Variants in SV2B observed in about 807,000 individuals in gnomAD.
SV2B encodes the protein synaptic vesicle glycoprotein 2B, also known as solute carrier family 22 member B2.
SV2B carries 41 observed loss-of-function variants against 73.9 expected under a neutral mutation model. The ratio of observed to expected loss-of-function variants is 0.56; its 90% CI spans 0.43 to 0.72. The LOEUF (loss-of-function observed/expected upper bound fraction) is 0.72, where lower values mean the gene tolerates loss of function less well. Ranked by LOEUF, SV2B falls within the 30% of genes least tolerant of loss-of-function variation. SV2B has a pLI of 0.00. For synonymous variants in SV2B, 314 were observed against 314.2 expected, an observed-to-expected ratio of 1.00 and a Z score of 0.01; for missense variants, 764 against 857.8, an observed-to-expected ratio of 0.89 and a Z score of 1.37.
intron 1 of SV2B, among the ~76,000 whole-genome samples, chr15:91,202,411 G>C (rs2045491158): frequency 6.6e-6 from 1 of 152,296 alleles, no homozygotes; most frequent in Non-Finnish European, 1.5e-5. Context: ...CTCTGTATTA[G>C]TCACTATTAT....
chr15:91,164,806 T>C (rs1184316628), intron 1 of SV2B, among the ~76,000 whole-genome samples: 1 of 152,182 alleles, frequency 6.6e-6, no homozygotes, highest in Non-Finnish European at 1.5e-5. Context: ...CTGACATTAA[T>C]ATGTATGGGG....
chr15:91,248,065 TAATCCC>T (rs1162188614), intron 2 of SV2B, among the ~76,000 whole-genome samples: 2 of 152,238 alleles, frequency 1.3e-5, no homozygotes, highest in Non-Finnish European at 2.9e-5. Context: ...GTCACGCCTG[TAATCCC>T]AGCACTTTGG....
chr15:91,146,608 A>C (rs2043154462), intron 1 of SV2B, among the ~76,000 whole-genome samples: 1 of 152,176 alleles, frequency 6.6e-6, no homozygotes, highest in Non-Finnish European at 1.5e-5. Context: ...GGTTTGTGTC[A>C]TCTCTGATTT....
intron 1 of SV2B, among the ~76,000 whole-genome samples, chr15:91,209,342 G>C (rs746494188): frequency 6.6e-6 from 1 of 152,006 alleles, no homozygotes; most frequent in Non-Finnish European, 1.5e-5. Context: ...GGCTGGTCTT[G>C]AACTCCTGAC....
rs2046278603 is a variant in SV2B, at chr15:91,223,434, G to A, written c.-391-2439G>A. On this transcript the variant is annotated intron_variant, in intron 1 of 12. Transcript: ENST00000394232. This position sits in a 1 kb window ranked among gnomAD's most constrained non-coding sequence, Gnocchi z 4.6. ...AGCAGGTCTTTTAACTGAATCAGGT[G>A]AGTGGAGTTAGTTTTGACGAAGATC... Among the ~76,000 whole-genome samples, 1 of 152,218 alleles carries A rather than the reference G, an allele frequency of 6.6e-6. No individual in the cohort carries two copies. Among genetic ancestry groups the A allele is most frequent in the African/African-American group, 2.4e-5 (1 of 41,456 alleles).
chr15:91,239,352 C>T lies in SV2B; in HGVS notation c.452-12467C>T, dbSNP rs2046914939. On this transcript the variant is annotated intron_variant, in intron 2 of 12. Transcript: ENST00000394232. This position sits in a 1 kb window ranked among gnomAD's most constrained non-coding sequence, Gnocchi z 5.1. ...CTCTCTGCCTCACCTCTCGGTGGGTCCTAGAAAAGGAAGTCTTGTGCTCGA... is the reference window on the plus strand; with the variant it reads ...CTCTCTGCCTCACCTCTCGGTGGGTTCTAGAAAAGGAAGTCTTGTGCTCGA... Among the ~76,000 whole-genome samples, 1 of 146,544 alleles carries T rather than the reference C, an allele frequency of 6.8e-6. No individual in the cohort carries two copies. Among genetic ancestry groups the T allele is most frequent in the Non-Finnish European group, 1.5e-5 (1 of 66,174 alleles).
chr15:91,107,899 C>A (rs1194514136), intron 1 of SV2B, among the ~76,000 whole-genome samples: 1 of 152,144 alleles, frequency 6.6e-6, no homozygotes, highest in Non-Finnish European at 1.5e-5. Flanking sequence ...TGTGAGTCAC[C>A]ATGCCCAGCC....
At chr15:91,216,662 G>T (rs1435117748) in intron 1 of SV2B, among the ~76,000 whole-genome samples, 1 of 151,456 alleles carries the variant, frequency 6.6e-6, no homozygotes, top group Non-Finnish European at 1.5e-5. Flanking sequence ...GTAGAGACGG[G>T]GTTTCTCCAT....
rs1462488390 is a variant in SV2B, at chr15:91,298,756, G to T, written c.*6204G>T. 4 of 152,222 alleles carry T rather than the reference G, an allele frequency of 2.6e-5. No individual in the cohort carries two copies. Among genetic ancestry groups the T allele is most frequent in the East Asian group, 1.9e-4 (1 of 5,180 alleles). The allele number at this position is 152,222 out of a possible 1,614,324, so 9.4% of individuals were successfully genotyped here. On this transcript the variant is annotated 3_prime_UTR_variant, in exon 13 of 13. Transcript: ENST00000394232. This position sits in a 1 kb window ranked among gnomAD's most constrained non-coding sequence, Gnocchi z 5.4. The stretch of plus-strand genomic sequence containing the variant: ...ATATGTATTCCTTTAGAAAGCAAAG[G>T]TCTTTCAGAAGCTGTCCTCTACCAA...
rs533624503 is a variant in SV2B at position 91,208,383 on chromosome 15, C to G, written c.-391-17490C>G. Among the ~76,000 whole-genome samples, 15 of 152,286 alleles carry G rather than the reference C, an allele frequency of 9.8e-5. No homozygotes were observed. In the East Asian group the frequency reaches 2.9e-3, roughly 29 times the overall value. On this transcript the variant is annotated intron_variant, in intron 1 of 12. Coordinates refer to ENST00000394232, the MANE Select transcript of SV2B (RefSeq NM_001323032.3). ...GAAGAGAAAAGTGTTTTCCCCCCAC[C>G]CTTGAAAATAAAACAACATGATGTT... is the stretch of plus-strand genomic sequence containing the variant.
chr15:91,188,426 G>A (rs2044863882), intron 1 of SV2B, among the ~76,000 whole-genome samples: 1 of 152,086 alleles, frequency 6.6e-6, no homozygotes, highest in Non-Finnish European at 1.5e-5. Context: ...CCATTCTCCT[G>A]CCTCAGCTTC....
At chr15:91,143,223 A>T (rs17516032) in intron 1 of SV2B, among the ~76,000 whole-genome samples, 2 of 152,064 alleles carry the variant, frequency 1.3e-5, no homozygotes, top group Admixed American at 6.5e-5. Context: ...AGGGCTGTCC[A>T]TAAGAACCGC....
At chr15:91,158,020 T>C (rs1201072961) in intron 1 of SV2B, among the ~76,000 whole-genome samples, 1 of 152,186 alleles carries the variant, frequency 6.6e-6, no homozygotes, top group African/African-American at 2.4e-5. Context: ...TGTTCTGACC[T>C]CTGTATGTCC....
chr15:91,291,723 A>G (rs1439941074), intron 12 of SV2B, among the ~76,000 whole-genome samples: 1 of 152,156 alleles, frequency 6.6e-6, no homozygotes, highest in African/African-American at 2.4e-5. Context: ...TGGACTCATC[A>G]TGGTCCAAAA....
intron 1 of SV2B, among the ~76,000 whole-genome samples, chr15:91,113,430 CAG>C (rs2042092188): frequency 6.6e-6 from 1 of 152,194 alleles, no homozygotes; most frequent in South Asian, 2.1e-4. Context: ...TTCACCCACA[CAG>C]AAGCTGAAAT....
chr15:91,202,991 G>T (rs923079861), intron 1 of SV2B, among the ~76,000 whole-genome samples: 2 of 152,126 alleles, frequency 1.3e-5, no homozygotes, highest in Non-Finnish European at 2.9e-5. Flanking sequence ...GTGTTTGTGG[G>T]GCTGGGTAGA....
rs781083528 is a variant in SV2B, at chr15:91,132,164, C to G, written c.-392+31801C>G. ...AAATGAAAGTACACTCCAGTGTGGC[C>G]GCAGACCCCAGCAGCGGCTCAAGAG... is the stretch of plus-strand genomic sequence containing the variant. On this transcript the variant is annotated intron_variant, in intron 1 of 12. Coordinates refer to ENST00000394232, the MANE Select transcript of SV2B (RefSeq NM_001323032.3). This position sits in a 1 kb window ranked among gnomAD's most constrained non-coding sequence, Gnocchi z 4.6. 2.0e-5 allele frequency among the ~76,000 whole-genome samples: 3 copies of G among 152,132 alleles called. No homozygotes were observed. The highest frequency in any genetic ancestry group is 7.2e-5 in the African/African-American group (3 of 41,442).
chr15:91,101,938 CA>C (rs1297386842), intron 1 of SV2B: 1 of 152,186 alleles, frequency 6.6e-6, no homozygotes, highest in African/African-American at 2.4e-5. Flanking sequence ...CAACACTTCA[CA>C]AAGGCAGGGA....
intron 9 of SV2B, among the ~76,000 whole-genome samples, chr15:91,273,587 C>A (rs146419322): frequency 1.3e-5 from 2 of 152,268 alleles, no homozygotes; most frequent in East Asian, 3.9e-4. Flanking sequence ...TCTGATAGTT[C>A]TGTTTTTCTC....
Sources: gnomAD v4.1 joint callset for allele counts (sites outside exome capture counted in the v4.1 genomes callset) on GRCh38, gnomAD v4.1.1 for gene constraint, Gnocchi (gnomAD v3.1) non-coding constraint, MANE v1.5 for transcripts, NCBI Gene and HGNC (gene_info 2026-07-23, HGNC 2026-07-21) for gene names.